Variants in PHF2 observed in about 807,000 individuals in gnomAD.
The protein encoded by PHF2 is PHD finger protein 2, also known as lysine-specific demethylase PHF2.
PHF2 carries 27 observed loss-of-function variants against 120.5 expected under a neutral mutation model. The observed-to-expected ratio is 0.22, with a 90% CI of 0.17 to 0.31. The LOEUF (loss-of-function observed/expected upper bound fraction) is 0.31, where lower values mean the gene tolerates loss of function less well. Ranked by LOEUF, PHF2 falls within the 10% of genes least tolerant of loss-of-function variation. PHF2 has a pLI of 1.00. For synonymous variants in PHF2, 568 were observed against 592.5 expected, an observed-to-expected ratio of 0.96 and a Z score of 0.60; for missense variants, 1,024 against 1,434.8, an observed-to-expected ratio of 0.71 and a Z score of 4.63.
Position 93,649,694 on chromosome 9 carries a change from T to A in PHF2, c.602+482T>A, listed in dbSNP as rs1826329653. ...CCACTCGTGGACACACTCATGACAC[T>A]CACACTGACTCATGGACACTCCAAT... On this transcript the variant is annotated intron_variant, in intron 5 of 21. Transcript: ENST00000359246. 2.3e-5 allele frequency among the ~76,000 whole-genome samples: 3 copies of A among 132,234 alleles called. No homozygotes were observed. In the South Asian group the frequency reaches 6.8e-4, roughly 30 times the overall value. The allele number at this position is 132,234 out of a possible 152,430, so 86.8% of individuals were successfully genotyped here.
At chr9:93,611,024 A>G (rs1825624442) in intron 1 of PHF2, among the ~76,000 whole-genome samples, 1 of 152,212 alleles carries the variant, frequency 6.6e-6, no homozygotes, top group African/African-American at 2.4e-5. Flanking sequence ...GATAGCCTCA[A>G]GTTCTTGCCT....
chr9:93,636,289 C>T, intron 2 of PHF2, 122 bp from the exon 3 acceptor site: 1 of 707,562 alleles, frequency 1.4e-6, no homozygotes, highest in East Asian at 2.7e-5. Context: ...GAGAGGTGAG[C>T]ATGAGCCCAG....
At chr9:93,629,709 C>G (rs542713562) in intron 1 of PHF2, among the ~76,000 whole-genome samples, 27 of 152,266 alleles carry the variant, frequency 1.8e-4, no homozygotes, top group African/African-American at 5.8e-4. Flanking sequence ...TGGTAGATGG[C>G]CTATTCATTG....
At chr9:93,618,622 C>G (rs1825765518) in intron 1 of PHF2, among the ~76,000 whole-genome samples, 1 of 152,216 alleles carries the variant, frequency 6.6e-6, no homozygotes, top group South Asian at 2.1e-4. Flanking sequence ...CTTCACTTAA[C>G]AATATATTTT....
At chr9:93,615,181 G>GTGA (rs201511386) in intron 1 of PHF2, among the ~76,000 whole-genome samples, 4 of 147,938 alleles carry the variant, frequency 2.7e-5, no homozygotes, top group African/African-American at 5.0e-5. Flanking sequence ...GATAGTAATG[G>GTGA]TGATGGCGAT....
chr9:93,661,069 G>T (rs944714755), intron 12 of PHF2, among the ~76,000 whole-genome samples: 2 of 152,208 alleles, frequency 1.3e-5, no homozygotes, highest in Non-Finnish European at 2.9e-5. Flanking sequence ...ACAACAGGGA[G>T]AATGCCATTG....
chr9:93,597,901 C>G (rs1825364170), intron 1 of PHF2, among the ~76,000 whole-genome samples: 2 of 152,200 alleles, frequency 1.3e-5, no homozygotes, highest in African/African-American at 4.8e-5. Context: ...AATCCCTCCT[C>G]CTCCCCAGGA....
chr9:93,660,390 AAG>A lies in PHF2; in HGVS notation c.1529_1530del (p.Lys510ThrfsTer3). The A allele has an allele frequency of 2.9e-6, 2 of 698,462 alleles. No homozygotes were observed. Among genetic ancestry groups the A allele is most frequent in the Admixed American group, 3.0e-5 (1 of 33,138 alleles). The allele number at this position is 698,462 out of a possible 1,614,324, so 43.3% of individuals were successfully genotyped here. A position where few individuals can be genotyped will look rare whatever the true frequency, so the allele number is the denominator to read the frequency against. ...GCCATCCAAAATCCCCAAGCCCCCGAAGCCCCCTAAGCCCCCAAGGCCCCCCA... is the reference window on the plus strand; with the variant it reads ...GCCATCCAAAATCCCCAAGCCCCCGACCCCCTAAGCCCCCAAGGCCCCCCA... Reference protein sequence around the residue: ...PKPSKIPKPPKPPKPPRPPKT... With the variant: ...PKPSKIPKPPXPPKPPRPPKT... On this transcript the variant is annotated frameshift_variant, in exon 12 of 22. Coordinates refer to ENST00000359246, the MANE Select transcript of PHF2 (RefSeq NM_005392.4). LOFTEE classifies it high-confidence loss of function.
At chr9:93,636,261 G>T (rs1826088416) in intron 2 of PHF2, 150 bp from the exon 3 acceptor site, 4 of 617,844 alleles carry the variant, frequency 6.5e-6, no homozygotes, top group East Asian at 2.8e-5. Context: ...ATGGCAGGGT[G>T]GGGGTGTCAT....
chr9:93,673,928 G>GA, intron 18 of PHF2, 66 bp downstream of exon 18: 1 of 1,476,544 alleles, frequency 6.8e-7, no homozygotes, highest in Non-Finnish European at 9.1e-7. Context: ...TGAGAATGGA[G>GA]ACAGTAGCAT....
rs901733339 is a variant in PHF2 at position 93,656,069 on chromosome 9, C to T, written c.1040+48C>T. 3.3e-6 allele frequency: 5 copies of T among 1,500,966 alleles called. No individual in the cohort carries two copies. Among genetic ancestry groups the T allele is most frequent in the Non-Finnish European group, 4.6e-6 (5 of 1,093,648 alleles). 93.0% of individuals were successfully genotyped at this position (1,500,966 alleles called of 1,614,324 possible). Reference sequence around the variant, plus strand: ...CCCTCGGGCTCCGCAGAGCAGCGTCCTCCCTCTAGCTGGGTCGGTGCTAGA... The same window carrying T: ...CCCTCGGGCTCCGCAGAGCAGCGTCTTCCCTCTAGCTGGGTCGGTGCTAGA... On this transcript the variant is annotated intron_variant, in intron 8 of 21. Coordinates refer to ENST00000359246, the MANE Select transcript of PHF2 (RefSeq NM_005392.4). This position sits in a 1 kb window ranked among gnomAD's most constrained non-coding sequence, Gnocchi z 4.1.
At position 93,654,579 on chromosome 9, in the gene PHF2, A is replaced by G; in HGVS notation, c.952+4A>G. 1.2e-6 allele frequency: 2 copies of G among 1,611,372 alleles called. No individual in the cohort carries two copies. The highest frequency in any genetic ancestry group is 1.7e-6 in the Non-Finnish European group (2 of 1,178,446). Reference sequence around the variant, plus strand: ...CAGACCCTCTTCATCCCCTCAGGTGAGTGCGGGCAGCTTTGGGGACCATGT... The same window carrying G: ...CAGACCCTCTTCATCCCCTCAGGTGGGTGCGGGCAGCTTTGGGGACCATGT... On this transcript the variant is annotated splice_donor_region_variant and intron_variant, in intron 7 of 21. Coordinates refer to ENST00000359246, the MANE Select transcript of PHF2 (RefSeq NM_005392.4).
intron 1 of PHF2, among the ~76,000 whole-genome samples, chr9:93,582,644 G>A (rs1012023950): frequency 1.3e-5 from 2 of 152,068 alleles, no homozygotes; most frequent in African/African-American, 4.8e-5. Context: ...GGACCCCCCC[G>A]CCACCATAGT....
Position 93,576,770 on chromosome 9 carries a change from C to T in PHF2, c.-4C>T, listed in dbSNP as rs1189983495. The T allele has an allele frequency of 3.2e-6, 4 of 1,237,482 alleles. No homozygotes were observed. Among genetic ancestry groups the T allele is most frequent in the Non-Finnish European group, 4.2e-6 (4 of 958,500 alleles). 76.7% of individuals were successfully genotyped at this position (1,237,482 alleles called of 1,614,324 possible). On this transcript the variant is annotated 5_prime_UTR_variant, in exon 1 of 22. Transcript: ENST00000359246. ...GGGGCCGAGCGGCGGCGCGGCGCGG[C>T]AACATGGCGACGGTGCCCGTGTACT... is the stretch of plus-strand genomic sequence containing the variant.
At chr9:93,653,147 G>C (rs771679993) in intron 5 of PHF2, 32 bp from the exon 6 acceptor site, 35 of 1,603,820 alleles carry the variant, frequency 2.2e-5, no homozygotes, top group East Asian at 6.7e-5. Flanking sequence ...GGAGTCCCAG[G>C]TTCCCTCACC....
intron 1 of PHF2, among the ~76,000 whole-genome samples, chr9:93,612,803 C>T (rs1472156021): frequency 5.9e-5 from 9 of 152,188 alleles, no homozygotes; most frequent in Non-Finnish European, 1.3e-4. Context: ...CTTGCAGGGC[C>T]CCGGGAGGGG....
At position 93,659,614 on chromosome 9, in the gene PHF2, C is replaced by A; in HGVS notation, c.1329+14C>A. ...CGGCTCAGTGAGGTGGGGCCGTGTC[C>A]AGGTGCTGGGCTGGACCCCTGGGGA... On this transcript the variant is annotated intron_variant, in intron 11 of 21. Coordinates refer to ENST00000359246, the MANE Select transcript of PHF2 (RefSeq NM_005392.4). 1 of 1,611,812 alleles carries A rather than the reference C, an allele frequency of 6.2e-7. No homozygotes were observed. Among genetic ancestry groups the A allele is most frequent in the South Asian group, 1.1e-5 (1 of 90,976 alleles).
intron 1 of PHF2, among the ~76,000 whole-genome samples, chr9:93,591,857 G>A (rs920134629): frequency 1.3e-5 from 2 of 152,214 alleles, no homozygotes; most frequent in African/African-American, 4.8e-5. Context: ...ATGCTTGGCC[G>A]TTGCTCGGGG....
intron 1 of PHF2, among the ~76,000 whole-genome samples, chr9:93,589,861 A>G (rs1296576960): frequency 6.6e-6 from 1 of 152,078 alleles, no homozygotes; most frequent in African/African-American, 2.4e-5. Flanking sequence ...CCACACAAAC[A>G]GCAGTGCGCT....
Sources: gnomAD v4.1 joint callset for allele counts (sites outside exome capture counted in the v4.1 genomes callset) on GRCh38, gnomAD v4.1.1 for gene constraint, Gnocchi (gnomAD v3.1) non-coding constraint, MANE v1.5 for transcripts, NCBI Gene and HGNC (gene_info 2026-07-23, HGNC 2026-07-21) for gene names.